KLHL29: variants seen among roughly 807,000 people sequenced by gnomAD.
The protein encoded by KLHL29 is kelch-like protein 29.
Under a neutral mutation model 80.4 loss-of-function variants are expected in KLHL29, and 21 were observed. That is an observed-to-expected ratio of 0.26 (90% confidence interval 0.19 to 0.38). The LOEUF (loss-of-function observed/expected upper bound fraction) is 0.38, where lower values mean the gene tolerates loss of function less well. KLHL29 is among the 10% of genes least tolerant of loss of function. KLHL29 has a pLI of 1.00. For synonymous variants in KLHL29, 511 were observed against 526.8 expected, an observed-to-expected ratio of 0.97 and a Z score of 0.41; for missense variants, 867 against 1,223.9, an observed-to-expected ratio of 0.71 and a Z score of 4.35.
At chr2:23,614,796 T>G (rs1172378364) in intron 3 of KLHL29, among the ~76,000 whole-genome samples, 1 of 152,036 alleles carries the variant, frequency 6.6e-6, no homozygotes, top group Non-Finnish European at 1.5e-5. Flanking sequence ...CATTGCAGGC[T>G]CCAGGCTGAG....
At chr2:23,476,737 T>G (rs1664652268) in intron 2 of KLHL29, among the ~76,000 whole-genome samples, 1 of 152,264 alleles carries the variant, frequency 6.6e-6, no homozygotes, top group East Asian at 1.9e-4. Context: ...TGATTACTTC[T>G]TTGGCTTAAA....
chr2:23,648,086 G>C (rs1055907142), intron 5 of KLHL29, among the ~76,000 whole-genome samples: 1 of 151,896 alleles, frequency 6.6e-6, no homozygotes, highest in Non-Finnish European at 1.5e-5. Context: ...GTGCCCTTAG[G>C]AGAGCTCGTT....
At chr2:23,604,049 G>T (rs1432613110) in intron 3 of KLHL29, among the ~76,000 whole-genome samples, 2 of 152,214 alleles carry the variant, frequency 1.3e-5, no homozygotes, top group Non-Finnish European at 2.9e-5. Flanking sequence ...CAGGGTCTGG[G>T]GCAGCCCCCG....
intron 3 of KLHL29, among the ~76,000 whole-genome samples, chr2:23,569,983 T>A (rs1667678764): frequency 6.6e-6 from 1 of 152,186 alleles, no homozygotes; most frequent in Non-Finnish European, 1.5e-5. Context: ...GGATTACCAG[T>A]CAGTTTCAAC....
At position 23,597,305 on chromosome 2, in the gene KLHL29, A is replaced by ATGTGTGTGTGTGTGTGTG. The variant is rs1414492384; in HGVS notation, c.285+34825_285+34826insGTGTGTGTGTGTGTGTGT. 7.4e-3 allele frequency among the ~76,000 whole-genome samples: 725 copies of ATGTGTGTGTGTGTGTGTG among 97,382 alleles called. 5 individuals carry two copies. The highest frequency in any genetic ancestry group is 0.015 in the East Asian group (42 of 2,854). The allele number at this position is 97,382 out of a possible 152,430, so 63.9% of individuals were successfully genotyped here. A position where few individuals can be genotyped will look rare whatever the true frequency, so the allele number is the denominator to read the frequency against. On this transcript the variant is annotated intron_variant, in intron 3 of 13. Coordinates refer to ENST00000486442, the MANE Select transcript of KLHL29 (RefSeq NM_052920.2). ...CTATCTCTCTCTCTCTCATATATAT[A>ATGTGTGTGTGTGTGTGTG]TATATGTGTGTGTGTGTGTGTGTGT...
Position 23,397,257 on chromosome 2 carries a change from T to TA in KLHL29, c.-154+11477_-154+11478insA, listed in dbSNP as rs548943949. 1.0e-3 allele frequency among the ~76,000 whole-genome samples: 157 copies of TA among 152,280 alleles called. No individual in the cohort carries two copies. The Middle Eastern group carries it at 0.014, about 13-fold the overall frequency. ...CCCCAGTTCTAGATGAGGGCTGTAG[T>TA]GATGGCCCCTGGCCCTTGCCCCTCC... On this transcript the variant is annotated intron_variant, in intron 1 of 13. Coordinates refer to ENST00000486442, the MANE Select transcript of KLHL29 (RefSeq NM_052920.2).
chr2:23,659,859 C>T (rs1670355901), intron 5 of KLHL29, among the ~76,000 whole-genome samples: 1 of 151,980 alleles, frequency 6.6e-6, no homozygotes, highest in Non-Finnish European at 1.5e-5. Flanking sequence ...GCTGCCTCCT[C>T]ATCTTCTCCA....
chr2:23,644,987 G>T (rs564192649), intron 5 of KLHL29, among the ~76,000 whole-genome samples: 4 of 152,178 alleles, frequency 2.6e-5, no homozygotes, highest in African/African-American at 9.7e-5. Context: ...CTCTTTCCTC[G>T]AAATTCCATG....
chr2:23,531,333 C>A (rs754300275), intron 2 of KLHL29, among the ~76,000 whole-genome samples: 1 of 152,152 alleles, frequency 6.6e-6, no homozygotes, highest in Non-Finnish European at 1.5e-5. Context: ...CAACATGGGA[C>A]CTATTTGGGG....
intron 5 of KLHL29, among the ~76,000 whole-genome samples, chr2:23,677,266 A>G (rs1276075752): frequency 6.6e-6 from 1 of 152,192 alleles, no homozygotes; most frequent in African/African-American, 2.4e-5. Flanking sequence ...CTGCTCAGTA[A>G]ATAGGCCTTG....
chr2:23,459,510 G>A (rs114600836), intron 1 of KLHL29, among the ~76,000 whole-genome samples: 182 of 152,290 alleles, frequency 1.2e-3, no homozygotes, highest in African/African-American at 3.5e-3. Flanking sequence ...AGGGAGGCAG[G>A]GGTGATTCGG....
intron 1 of KLHL29, among the ~76,000 whole-genome samples, chr2:23,413,810 G>A (rs1044233116): frequency 1.3e-5 from 2 of 152,188 alleles, no homozygotes; most frequent in Non-Finnish European, 2.9e-5. Flanking sequence ...CCTAGCTCCC[G>A]CCCTTCCTTT....
At chr2:23,411,286 G>A (rs1231238631) in intron 1 of KLHL29, among the ~76,000 whole-genome samples, 1 of 152,086 alleles carries the variant, frequency 6.6e-6, no homozygotes, top group East Asian at 1.9e-4. Context: ...GAGAACATTT[G>A]GGGCAGAATA....
intron 3 of KLHL29, among the ~76,000 whole-genome samples, chr2:23,633,365 A>G (rs549527499): frequency 1.4e-4 from 22 of 152,220 alleles, no homozygotes; most frequent in Non-Finnish European, 2.8e-4. Flanking sequence ...ACAGAACACA[A>G]AGAGATGCAT....
chr2:23,546,116 G>A (rs1666973126), intron 2 of KLHL29, among the ~76,000 whole-genome samples: 1 of 152,178 alleles, frequency 6.6e-6, no homozygotes, highest in African/African-American at 2.4e-5. Context: ...CCTCTCAGGG[G>A]CCCTGACCCC....
chr2:23,586,277 T>C (rs1183454977), intron 3 of KLHL29, among the ~76,000 whole-genome samples: 1 of 151,922 alleles, frequency 6.6e-6, no homozygotes, highest in African/African-American at 2.4e-5. Context: ...ACTATCTAGT[T>C]CCAGAATGTC....
intron 11 of KLHL29, chr2:23,697,213 G>A (rs574334849): frequency 3.0e-4 from 46 of 152,504 alleles, no homozygotes; most frequent in African/African-American, 1.0e-3. Flanking sequence ...ATACAGGCAT[G>A]AGGGGCGTGG....
chr2:23,574,019 C>G (rs1429021605), intron 3 of KLHL29, among the ~76,000 whole-genome samples: 1 of 152,110 alleles, frequency 6.6e-6, no homozygotes, highest in African/African-American at 2.4e-5. Flanking sequence ...CTCCCTCTTG[C>G]TGGTCCCTCG....
chr2:23,683,513 C>T (rs1671149928), intron 5 of KLHL29, among the ~76,000 whole-genome samples: 1 of 152,222 alleles, frequency 6.6e-6, no homozygotes, highest in Non-Finnish European at 1.5e-5. Context: ...CCCTCCTTCT[C>T]CTTTCTAAGC....
Sources: allele counts gnomAD v4.1 joint callset (sites outside exome capture counted in the v4.1 genomes callset), GRCh38; gene constraint gnomAD v4.1.1; transcripts MANE v1.5; gene names NCBI Gene and HGNC (gene_info 2026-07-23, HGNC 2026-07-21).